HTR1F: variants seen among roughly 807,000 people sequenced by gnomAD.
HTR1F encodes 5-hydroxytryptamine receptor 1F.
HTR1F carries 17 observed loss-of-function variants against 24.0 expected under a neutral mutation model. The observed-to-expected ratio is 0.71, with a 90% confidence interval of 0.48 to 1.06. The LOEUF is 1.06. Ranked by LOEUF, HTR1F falls within the 50% of genes least tolerant of loss-of-function variation. The pLI, the probability that HTR1F is intolerant of heterozygous loss-of-function variation, is 0.00. For synonymous variants in HTR1F, 186 were observed against 156.8 expected (o/e 1.19, Z -1.39); for missense variants, 391 against 427.8 (o/e 0.91, Z 0.76).
intron 2 of HTR1F, among the ~76,000 whole-genome samples, chr3:87,863,568 T>C (rs1705362650): frequency 6.6e-6 from 1 of 152,198 alleles, no homozygotes; most frequent in Non-Finnish European, 1.5e-5. Flanking sequence ...TTTTCCAGTT[T>C]CCAATAACAT....
intron 2 of HTR1F, among the ~76,000 whole-genome samples, chr3:87,946,126 T>C (rs1277393459): frequency 6.6e-6 from 1 of 152,164 alleles, no homozygotes; most frequent in East Asian, 1.9e-4. Context: ...GCAGGAACAA[T>C]GGCAAGCCTT....
rs540571551 is a variant in HTR1F at position 87,958,921 on chromosome 3, C to T, written c.-42-31787C>T. ...CCACCACCACCATGCATTTGGTACT[C>T]CATCTTCCTCATCTCTGAACTTTCA... is the stretch of plus-strand genomic sequence containing the variant. On this transcript the variant is annotated intron_variant, in intron 2 of 2. Coordinates refer to ENST00000319595, the MANE Select transcript of HTR1F (RefSeq NM_001322209.2). Among the ~76,000 whole-genome samples, 18 of 151,822 alleles carry T rather than the reference C, an allele frequency of 1.2e-4. No individual in the cohort carries two copies. In the South Asian group the frequency reaches 3.7e-3, roughly 31 times the overall value.
At chr3:87,913,667 A>C (rs1394279930) in intron 2 of HTR1F, among the ~76,000 whole-genome samples, 2 of 152,196 alleles carry the variant, frequency 1.3e-5, no homozygotes, top group African/African-American at 2.4e-5. Context: ...ATAACAAAAA[A>C]AATGGAATCA....
intron 2 of HTR1F, among the ~76,000 whole-genome samples, chr3:87,897,603 A>G (rs1360173742): frequency 3.3e-5 from 5 of 152,090 alleles, no homozygotes; most frequent in Admixed American, 2.0e-4. Flanking sequence ...ACTTAATAGC[A>G]CCCACTATGG....
chr3:87,966,121 G>A (rs571761341), intron 2 of HTR1F, among the ~76,000 whole-genome samples: 9 of 152,262 alleles, frequency 5.9e-5, no homozygotes, highest in Admixed American at 5.2e-4. Context: ...CAAGTCACCA[G>A]CAGATTTGGT....
intron 2 of HTR1F, among the ~76,000 whole-genome samples, chr3:87,954,944 C>T (rs1452671983): frequency 6.6e-6 from 1 of 151,314 alleles, no homozygotes; most frequent in East Asian, 1.9e-4. Context: ...GATAAACTTG[C>T]TCTACTTTAT....
chr3:87,884,752 G>A (rs1271209112), intron 2 of HTR1F, among the ~76,000 whole-genome samples: 1 of 152,022 alleles, frequency 6.6e-6, no homozygotes, highest in Non-Finnish European at 1.5e-5. Context: ...GGACAAAGAA[G>A]GCCATTACAT....
intron 2 of HTR1F, among the ~76,000 whole-genome samples, chr3:87,903,865 G>A (rs1337791479): frequency 6.6e-6 from 1 of 152,050 alleles, no homozygotes; most frequent in East Asian, 1.9e-4. Context: ...GCAAAGACTT[G>A]GAACCAACCC....
intron 2 of HTR1F, among the ~76,000 whole-genome samples, chr3:87,975,292 AAAAAATCCAAATCTTGC>A (rs1033878069): frequency 1.6e-4 from 25 of 152,250 alleles, no homozygotes; most frequent in East Asian, 1.5e-3. Flanking sequence ...AAATCTCAAA[AAAAAATCCAAATCTTGC>A]AAAAATCCAA....
intron 2 of HTR1F, among the ~76,000 whole-genome samples, chr3:87,980,573 C>T (rs1705518929): frequency 6.6e-6 from 1 of 152,130 alleles, no homozygotes; most frequent in Non-Finnish European, 1.5e-5. Context: ...TCAGACCATC[C>T]CTGGCTTGAA....
At chr3:87,854,245 G>C (rs1230423304) in intron 2 of HTR1F, among the ~76,000 whole-genome samples, 5 of 151,600 alleles carry the variant, frequency 3.3e-5, no homozygotes, top group Non-Finnish European at 5.9e-5. Context: ...TACAGTTTTA[G>C]GACTCCTTTC....
chr3:87,918,356 G>C (rs560529490), intron 2 of HTR1F, among the ~76,000 whole-genome samples: 2 of 152,040 alleles, frequency 1.3e-5, no homozygotes, highest in Non-Finnish European at 2.9e-5. Flanking sequence ...CACAGTACTG[G>C]AAGTCCTAGC....
chr3:87,916,309 G>GAAAAAAAAAAAAAAAAAA (rs34801984), intron 2 of HTR1F, among the ~76,000 whole-genome samples: 5 of 111,056 alleles, frequency 4.5e-5, no homozygotes, highest in East Asian at 2.8e-4. Context: ...AAGCAAAAAA[G>GAAAAAAAAAAAAAAAAAA]AAAAAAAAAA....
At chr3:87,904,363 T>G (rs1703610159) in intron 2 of HTR1F, among the ~76,000 whole-genome samples, 1 of 152,138 alleles carries the variant, frequency 6.6e-6, no homozygotes, top group Admixed American at 6.6e-5. Flanking sequence ...GCAATTTCAT[T>G]GCTTTCTATT....
At chr3:87,831,330 AATTATT>A (rs58022545) in intron 2 of HTR1F, among the ~76,000 whole-genome samples, 7,703 of 142,328 alleles carry the variant, frequency 0.054, 471 homozygotes, top group African/African-American at 0.15. Context: ...GATATTAAGA[AATTATT>A]ATTATTATTA....
intron 2 of HTR1F, among the ~76,000 whole-genome samples, chr3:87,876,360 T>C (rs1299071329): frequency 1.3e-5 from 2 of 152,150 alleles, no homozygotes; most frequent in African/African-American, 4.8e-5. Context: ...AACCTAAATG[T>C]CCATTGATGG....
chr3:87,820,352 A>G (rs1704334175), intron 1 of HTR1F, among the ~76,000 whole-genome samples: 1 of 151,176 alleles, frequency 6.6e-6, no homozygotes, highest in South Asian at 2.1e-4. Flanking sequence ...AATTTTTTGT[A>G]TTTTTAGTAG....
At chr3:87,876,122 T>A (rs138757547) in intron 2 of HTR1F, among the ~76,000 whole-genome samples, 1 of 152,110 alleles carries the variant, frequency 6.6e-6, no homozygotes, top group Non-Finnish European at 1.5e-5. Context: ...GGGAAGGATG[T>A]GTAGAATTGG....
intron 2 of HTR1F, among the ~76,000 whole-genome samples, chr3:87,852,314 T>A: frequency 6.6e-6 from 1 of 151,878 alleles, no homozygotes; most frequent in Middle Eastern, 3.4e-3. Flanking sequence ...ATCTGTTTTA[T>A]AGTTTATGCA....
Sources: allele counts gnomAD v4.1 joint callset (sites outside exome capture counted in the v4.1 genomes callset), GRCh38; gene constraint gnomAD v4.1.1; transcripts MANE v1.5; gene names NCBI Gene and HGNC (gene_info 2026-07-23, HGNC 2026-07-21).